The following BUB1B variants were observed in gnomAD, a reference collection of about 807,000 sequenced individuals.
BUB1B encodes mitotic checkpoint serine/threonine-protein kinase BUB1 beta.
In BUB1B, 86 loss-of-function variants were observed where a neutral mutation model predicts 137.7. The ratio of observed to expected loss-of-function variants is 0.62; its 90% CI spans 0.52 to 0.75. BUB1B has a LOEUF of 0.75. Ranked by LOEUF, BUB1B falls within the 30% of genes least tolerant of loss-of-function variation. The pLI, the probability that BUB1B is intolerant of heterozygous loss-of-function variation, is 0.00. For missense variants in BUB1B, 1,130 were observed against 1,236.9 expected, an observed-to-expected ratio of 0.91 and a Z score of 1.30; for synonymous variants, 420 against 417.9, an observed-to-expected ratio of 1.00 and a Z score of -0.06.
intron 14 of BUB1B, 64 bp from the exon 15 acceptor site, chr15:40,206,120 T>G: frequency 6.5e-7 from 1 of 1,538,362 alleles, no homozygotes; most frequent in Non-Finnish European, 9.0e-7. Context: ...TATGTCTCTC[T>G]CAGTAAAAAA....
intron 2 of BUB1B, among the ~76,000 whole-genome samples, chr15:40,169,335 C>T (rs1054315861): frequency 2.6e-5 from 4 of 151,862 alleles, no homozygotes; most frequent in East Asian, 1.9e-4. Context: ...AAACCCTTTA[C>T]ATTTAAGACT....
intron 22 of BUB1B, among the ~76,000 whole-genome samples, chr15:40,219,653 G>A (rs2037862186): frequency 6.6e-6 from 1 of 152,180 alleles, no homozygotes; most frequent in South Asian, 2.1e-4. Context: ...CTGGGAGGCA[G>A]AGGTTGCAGT....
At chr15:40,201,308 T>C (rs192506641) in intron 12 of BUB1B, among the ~76,000 whole-genome samples, 104 of 152,324 alleles carry the variant, frequency 6.8e-4, no homozygotes, top group African/African-American at 2.4e-3. Context: ...TTAAAGCTAT[T>C]TTATACTCAA....
chr15:40,198,233 T>C (rs1008232693), intron 9 of BUB1B, among the ~76,000 whole-genome samples: 3 of 134,640 alleles, frequency 2.2e-5, no homozygotes, highest in African/African-American at 9.0e-5. Flanking sequence ...TACTCATTTC[T>C]ATTGTGTTTT....
intron 8 of BUB1B, among the ~76,000 whole-genome samples, chr15:40,190,658 C>T (rs2140894782): frequency 6.6e-6 from 1 of 152,230 alleles, no homozygotes; most frequent in South Asian, 2.1e-4. Context: ...GAACTTTCAC[C>T]TTTGGCATAT....
chr15:40,162,702 AAG>A (rs2140877254), intron 1 of BUB1B, among the ~76,000 whole-genome samples: 1 of 152,278 alleles, frequency 6.6e-6, no homozygotes, highest in Admixed American at 6.5e-5. Flanking sequence ...TTATTTGAGA[AAG>A]AGGAAGACTG....
At position 40,199,731 on chromosome 15, in the gene BUB1B, A is replaced by G. The variant is rs2037541148; in HGVS notation, c.1401+4A>G. On this transcript the variant is annotated splice_donor_region_variant and intron_variant, in intron 10 of 22. Transcript: ENST00000287598. Reference sequence around the variant, plus strand: ...GCAAGAAAGAACAGGTGATCAGGTAATTTTTCTTTTTTCATACACAAAACT... The same window carrying G: ...GCAAGAAAGAACAGGTGATCAGGTAGTTTTTCTTTTTTCATACACAAAACT... The G allele has an allele frequency of 1.2e-6, 2 of 1,607,760 alleles. No homozygotes were observed. The highest frequency in any genetic ancestry group is 1.7e-6 in the Non-Finnish European group (2 of 1,174,568).
rs376600283 is a variant in BUB1B at position 40,199,744 on chromosome 15, C to G, written c.1401+17C>G. On this transcript the variant is annotated intron_variant, in intron 10 of 22. Transcript: ENST00000287598. ...GGTGATCAGGTAATTTTTCTTTTTT[C>G]ATACACAAAACTAGAATTTATTGAA... 1.3e-6 allele frequency: 2 copies of G among 1,572,618 alleles called. No homozygotes were observed. Among genetic ancestry groups the G allele is most frequent in the African/African-American group, 1.4e-5 (1 of 73,796 alleles).
At chr15:40,176,347 A>G in intron 4 of BUB1B, 130 bp from the exon 5 acceptor site, 1 of 885,556 alleles carries the variant, frequency 1.1e-6, no homozygotes, top group Non-Finnish European at 1.8e-6. Flanking sequence ...TATGGTCCTT[A>G]TCACATTGTA....
intron 8 of BUB1B, among the ~76,000 whole-genome samples, chr15:40,188,581 T>C (rs901176028): frequency 2.8e-5 from 4 of 143,898 alleles, no homozygotes; most frequent in African/African-American, 8.2e-5. Flanking sequence ...ATTTAAGTTT[T>C]CTTTTTTTTT....
Position 40,187,591 on chromosome 15 carries a change from T to TA in BUB1B, c.1058+1955dup, listed in dbSNP as rs770679983. 2.1e-4 allele frequency among the ~76,000 whole-genome samples: 32 copies of TA among 151,672 alleles called. 1 individual carries two copies. Among genetic ancestry groups the TA allele is most frequent in the Non-Finnish European group, 3.5e-4 (24 of 67,920 alleles). ...GGGCAACAGGGCAAGAACCTATCTCTAAAAAATAAATCAATTATAATAATA... is the reference window on the plus strand; with the variant it reads ...GGGCAACAGGGCAAGAACCTATCTCTAAAAAAATAAATCAATTATAATAATA... On this transcript the variant is annotated intron_variant, in intron 8 of 22. Coordinates refer to ENST00000287598, the MANE Select transcript of BUB1B (RefSeq NM_001211.6).
intron 2 of BUB1B, among the ~76,000 whole-genome samples, chr15:40,167,372 C>T (rs1463628633): frequency 7.5e-5 from 7 of 93,532 alleles, no homozygotes; most frequent in Admixed American, 3.2e-4. Flanking sequence ...TTTTTTGAGA[C>T]GGAGTGTTGC....
intron 15 of BUB1B, among the ~76,000 whole-genome samples, chr15:40,206,799 T>C (rs2037642807): frequency 6.6e-6 from 1 of 152,138 alleles, no homozygotes; most frequent in Non-Finnish European, 1.5e-5. Flanking sequence ...GGATAGCTTT[T>C]GTTAATTTTA....
At chr15:40,220,377 C>G (rs1172922026) in intron 22 of BUB1B, among the ~76,000 whole-genome samples, 187 bp from the exon 23 acceptor site, 2 of 152,124 alleles carry the variant, frequency 1.3e-5, no homozygotes, top group Non-Finnish European at 2.9e-5. Flanking sequence ...GCTTTTCCCA[C>G]TATGGTAGCC....
At chr15:40,197,236 G>A (rs980351441) in intron 9 of BUB1B, among the ~76,000 whole-genome samples, 7 of 152,218 alleles carry the variant, frequency 4.6e-5, no homozygotes, top group Middle Eastern at 3.4e-3. Flanking sequence ...GATTAACATA[G>A]TAGGTCATAC....
intron 5 of BUB1B, among the ~76,000 whole-genome samples, chr15:40,182,081 G>A (rs1028348464): frequency 4.6e-5 from 7 of 152,174 alleles, no homozygotes; most frequent in African/African-American, 1.7e-4. Context: ...GTGGGTGCCT[G>A]CAATCTCAGC....
chr15:40,194,252 T>G (rs1032808522), intron 8 of BUB1B, among the ~76,000 whole-genome samples: 22 of 152,208 alleles, frequency 1.4e-4, no homozygotes, highest in African/African-American at 5.1e-4. Flanking sequence ...TGAACTCGTT[T>G]GTTATCTAAG....
rs1225413973 is a variant in BUB1B at position 40,208,738 on chromosome 15, C to T, written c.2111C>T (p.Pro704Leu). The T allele has an allele frequency of 1.9e-6, 3 of 1,613,414 alleles. No individual in the cohort carries two copies. The highest frequency in any genetic ancestry group is 2.2e-5 in the South Asian group (2 of 91,066). ...STSSIKCLQI[P>L]EKLELTNETS... ...TCCTCCATCAAATGTCTTCAAATTC[C>T]TGAGAAACTAGAACTTACTAATGAG... The change falls in exon 16 of 23, where the codon CCT becomes CTT. Residue 704 changes from proline (P) to leucine (L), a missense_variant. Physicochemically the swap from Pro to Leu is moderately conservative, Grantham distance 98. Coordinates refer to ENST00000287598, the MANE Select transcript of BUB1B (RefSeq NM_001211.6).
chr15:40,206,547 T>C, intron 15 of BUB1B, 89 bp downstream of exon 15: 2 of 1,539,358 alleles, frequency 1.3e-6, no homozygotes, highest in South Asian at 2.3e-5. Flanking sequence ...AGTTATCAAG[T>C]TCTTACTAAC....
Sources: gnomAD v4.1 joint callset for allele counts (sites outside exome capture counted in the v4.1 genomes callset) on GRCh38, gnomAD v4.1.1 for gene constraint, MANE v1.5 for transcripts, NCBI Gene and HGNC (gene_info 2026-07-23, HGNC 2026-07-21) for gene names.